The following ANO4 variants were observed in gnomAD, a reference collection of about 807,000 sequenced individuals.
The protein encoded by ANO4 is anoctamin 4.
ANO4 carries 69 observed loss-of-function variants against 141.9 expected under a neutral mutation model. That is an observed-to-expected ratio of 0.49 (90% CI 0.40 to 0.59). The LOEUF (loss-of-function observed/expected upper bound fraction) is 0.59. Among genes scored for constraint, ANO4 ranks in the 20% least tolerant of loss-of-function variants. The pLI is 0.00. For synonymous variants in ANO4, 350 were observed against 394.3 expected, an observed-to-expected ratio of 0.89 and a Z score of 1.33; for missense variants, 894 against 1,162.2, an observed-to-expected ratio of 0.77 and a Z score of 3.36.
chr12:100,944,922 A>C (rs925143089), intron 5 of ANO4, among the ~76,000 whole-genome samples: 1 of 152,308 alleles, frequency 6.6e-6, no homozygotes. Flanking sequence ...AAGTATTTTT[A>C]TTTAAATCAA....
At chr12:100,824,309 A>G (rs745465699) in intron 1 of ANO4, among the ~76,000 whole-genome samples, 1 of 152,026 alleles carries the variant, frequency 6.6e-6, no homozygotes, top group Admixed American at 6.6e-5. Flanking sequence ...AGATCAATAA[A>G]TGTTTGTTGA....
intron 5 of ANO4, among the ~76,000 whole-genome samples, chr12:100,948,150 C>CAAAA (rs58889801): frequency 1.2e-5 from 1 of 83,332 alleles, no homozygotes; most frequent in Non-Finnish European, 2.2e-5. Context: ...GACTTCGTCT[C>CAAAA]AAAAAAAAAA....
chr12:100,916,379 C>G (rs1297148800), intron 2 of ANO4, among the ~76,000 whole-genome samples: 1 of 151,510 alleles, frequency 6.6e-6, no homozygotes, highest in Admixed American at 6.6e-5. Flanking sequence ...AAAAAAAAAT[C>G]AGAGCGTCTT....
At chr12:100,837,541 CGAGGCAG>C (rs2036995529) in intron 1 of ANO4, among the ~76,000 whole-genome samples, 1 of 151,872 alleles carries the variant, frequency 6.6e-6, no homozygotes, top group Non-Finnish European at 1.5e-5. Flanking sequence ...GTTGGGAGGC[CGAGGCAG>C]GAGGATTGCT....
chr12:100,874,709 A>G (rs556573991), intron 1 of ANO4, among the ~76,000 whole-genome samples: 299 of 151,978 alleles, frequency 2.0e-3, no homozygotes, highest in Non-Finnish European at 3.2e-3. Flanking sequence ...TAGTAGAGAC[A>G]GGGTTTTGCC....
intron 14 of ANO4, among the ~76,000 whole-genome samples, chr12:101,055,188 G>A (rs578085264): frequency 6.6e-6 from 1 of 152,220 alleles, no homozygotes; most frequent in Non-Finnish European, 1.5e-5. Flanking sequence ...CATTCATCTT[G>A]GATGAATAAT....
Position 101,052,253 on chromosome 12 carries a change from G to A in ANO4, c.1312+3852G>A, listed in dbSNP as rs1301164810. ...GTCTGTGTGAGTGCAGGGCTCCCTC[G>A]GGATCCCTGAGGTATGCTGTGAGCC... On this transcript the variant is annotated intron_variant, in intron 14 of 27. Coordinates refer to ENST00000392977, the MANE Select transcript of ANO4 (RefSeq NM_001286615.2). 3.3e-5 allele frequency among the ~76,000 whole-genome samples: 5 copies of A among 152,078 alleles called. No homozygotes were observed. In the South Asian group the frequency reaches 6.2e-4, roughly 19 times the overall value.
chr12:100,957,944 G>A (rs2043241491), intron 5 of ANO4, among the ~76,000 whole-genome samples: 3 of 152,162 alleles, frequency 2.0e-5, no homozygotes, highest in Admixed American at 2.0e-4. Flanking sequence ...CTGGCTTCAG[G>A]TGATCTGCCC....
At chr12:100,975,542 G>C (rs1200732231) in intron 7 of ANO4, among the ~76,000 whole-genome samples, 1 of 92,838 alleles carries the variant, frequency 1.1e-5, no homozygotes, top group Non-Finnish European at 2.1e-5. Flanking sequence ...CTGCCTCCAA[G>C]CGATTCTCCT....
intron 1 of ANO4, among the ~76,000 whole-genome samples, chr12:100,846,561 G>A (rs2037569023): frequency 1.3e-5 from 2 of 152,102 alleles, no homozygotes; most frequent in South Asian, 4.1e-4. Flanking sequence ...TAGACAAATG[G>A]ATCTAGTGCC....
At chr12:100,906,360 G>A (rs942240158) in intron 2 of ANO4, among the ~76,000 whole-genome samples, 1 of 152,204 alleles carries the variant, frequency 6.6e-6, no homozygotes, top group Non-Finnish European at 1.5e-5. Flanking sequence ...TCAAAAAATT[G>A]TGGGGGTTAG....
chr12:100,725,951 C>T (rs73145633), intron 1 of ANO4, among the ~76,000 whole-genome samples: 180 of 152,226 alleles, frequency 1.2e-3, no homozygotes, highest in Non-Finnish European at 2.1e-3. Flanking sequence ...GGAAGGAGCC[C>T]ATCATTCTTG....
intron 22 of ANO4, among the ~76,000 whole-genome samples, chr12:101,104,291 C>T (rs1477849678): frequency 6.6e-6 from 1 of 150,980 alleles, no homozygotes; most frequent in East Asian, 1.9e-4. Context: ...CACTTTTTTT[C>T]TCAGCATCTC....
chr12:100,908,469 C>A (rs1045650666), intron 2 of ANO4, among the ~76,000 whole-genome samples: 5 of 152,118 alleles, frequency 3.3e-5, no homozygotes, highest in Non-Finnish European at 7.4e-5. Flanking sequence ...TAAAGCCAAT[C>A]CTCTAGCCTA....
At chr12:101,112,956 G>A (rs377045472) in intron 24 of ANO4, among the ~76,000 whole-genome samples, 27 of 152,264 alleles carry the variant, frequency 1.8e-4, no homozygotes, top group African/African-American at 5.1e-4. Flanking sequence ...TGCAACTATC[G>A]TTGACATTCT....
At chr12:100,734,983 G>C (rs978414841) in intron 2 of ANO4, among the ~76,000 whole-genome samples, 2 of 152,206 alleles carry the variant, frequency 1.3e-5, no homozygotes, top group African/African-American at 4.8e-5. Context: ...TGCAGTCACT[G>C]CTTGTAATGC....
chr12:100,935,000 A>T (rs2042226393), intron 3 of ANO4, among the ~76,000 whole-genome samples: 2 of 152,126 alleles, frequency 1.3e-5, no homozygotes, highest in Admixed American at 1.3e-4. Flanking sequence ...GGCTGAGATG[A>T]TGGGGTTTTC....
At chr12:100,790,639 T>C (rs541839138), upstream of ANO4, among the ~76,000 whole-genome samples, 1 of 146,882 alleles carries the variant, frequency 6.8e-6, no homozygotes, top group East Asian at 2.4e-4. Flanking sequence ...TATTTTTCTA[T>C]CTTCAGAAAA....
chr12:101,028,864 C>T (rs2136539518), intron 9 of ANO4, among the ~76,000 whole-genome samples: 1 of 152,142 alleles, frequency 6.6e-6, no homozygotes, highest in African/African-American at 2.4e-5. Flanking sequence ...AGATCAACCC[C>T]AAGAAACATA....
Sources: gnomAD v4.1 joint callset for allele counts (sites outside exome capture counted in the v4.1 genomes callset) on GRCh38, gnomAD v4.1.1 for gene constraint, MANE v1.5 for transcripts, NCBI Gene and HGNC (gene_info 2026-07-23, HGNC 2026-07-21) for gene names.